Variants in UBR2 observed in about 807,000 individuals in gnomAD.
UBR2 encodes the protein ubiquitin protein ligase E3 component n-recognin 2, also known as E3 ubiquitin-protein ligase UBR2.
Under a neutral mutation model 247.9 loss-of-function variants are expected in UBR2, and 92 were observed. The ratio of observed to expected loss-of-function variants is 0.37; its 90% CI spans 0.31 to 0.44. The LOEUF is 0.44. Among genes scored for constraint, UBR2 ranks in the 20% least tolerant of loss-of-function variants. The pLI, the probability that UBR2 is intolerant of heterozygous loss-of-function variation, is 1.00. For missense variants in UBR2, 1,613 were observed against 2,112.6 expected (o/e 0.76, Z 4.64); for synonymous variants, 672 against 693.5 (o/e 0.97, Z 0.49).
At chr6:42,593,630 G>A (rs997941981) in intron 3 of UBR2, among the ~76,000 whole-genome samples, 1 of 152,112 alleles carries the variant, frequency 6.6e-6, no homozygotes, top group Non-Finnish European at 1.5e-5. Context: ...GAACATTGCA[G>A]GTGGTGAAAA....
chr6:42,657,898 G>T, intron 26 of UBR2, 126 bp from the exon 27 acceptor site: 1 of 628,476 alleles, frequency 1.6e-6, no homozygotes, highest in Non-Finnish European at 2.7e-6. Flanking sequence ...TCTCTATTTT[G>T]GTAGAGCCAT....
In UBR2 at chr6:42,564,122, G is replaced by C; in HGVS notation, c.-198G>C. 3.3e-6 allele frequency: 2 copies of C among 600,960 alleles called. No homozygotes were observed. The highest frequency in any genetic ancestry group is 4.4e-4 in the Middle Eastern group (1 of 2,290). 37.2% of individuals were successfully genotyped at this position (600,960 alleles called of 1,614,324 possible). A position where few individuals can be genotyped will look rare whatever the true frequency, so the allele number is the denominator to read the frequency against. On this transcript the variant is annotated 5_prime_UTR_variant, in exon 1 of 47. Coordinates refer to ENST00000372901, the MANE Select transcript of UBR2 (RefSeq NM_001363705.2). The stretch of plus-strand genomic sequence containing the variant: ...GACTTGACTCTTGGGCGCTAAGCTT[G>C]GGAGGGAGCGCAGGAGGCCGCTGTC...
intron 4 of UBR2, among the ~76,000 whole-genome samples, chr6:42,596,146 C>G (rs983137808): frequency 6.8e-6 from 1 of 147,632 alleles, no homozygotes; most frequent in African/African-American, 2.5e-5. Flanking sequence ...GAGTTTATAT[C>G]TTACAACTCA....
intron 2 of UBR2, among the ~76,000 whole-genome samples, chr6:42,583,822 C>CCT (rs545204921): frequency 2.2e-4 from 34 of 151,732 alleles, no homozygotes; most frequent in African/African-American, 8.0e-4. Flanking sequence ...CCGCGCCCGG[C>CCT]CTCTCTCTCT....
intron 7 of UBR2, among the ~76,000 whole-genome samples, chr6:42,611,604 G>T (rs542417124): frequency 4.6e-5 from 7 of 151,560 alleles, no homozygotes; most frequent in Middle Eastern, 3.2e-3. Flanking sequence ...TCAAATATAG[G>T]ACTAAAGATT....
intron 42 of UBR2, among the ~76,000 whole-genome samples, chr6:42,682,848 A>T (rs921606739): frequency 6.6e-6 from 1 of 152,216 alleles, no homozygotes; most frequent in African/African-American, 2.4e-5. Flanking sequence ...CACAAATTGT[A>T]TATATTTAAG....
chr6:42,688,117 A>T lies in UBR2; in HGVS notation c.4854-99A>T. ...GTAGGATATACACTTCTTTGGCTTT[A>T]CTTGATATTGCAGAATTCTTTTCTG... On this transcript the variant is annotated intron_variant, in intron 44 of 46. Coordinates refer to ENST00000372901, the MANE Select transcript of UBR2 (RefSeq NM_001363705.2). The T allele has an allele frequency of 2.8e-6, 4 of 1,407,156 alleles. No individual in the cohort carries two copies. In the South Asian group the frequency reaches 3.5e-5, roughly 12 times the overall value. 87.2% of individuals were successfully genotyped at this position (1,407,156 alleles called of 1,614,324 possible).
intron 11 of UBR2, among the ~76,000 whole-genome samples, chr6:42,632,069 A>AAATATATATATATATATAT (rs56721828): frequency 7.3e-4 from 83 of 114,050 alleles, no homozygotes; most frequent in African/African-American, 2.6e-3. Context: ...AAAAAAAAAA[A>AAATATATATATATATATAT]ATATATATAT....
intron 4 of UBR2, among the ~76,000 whole-genome samples, chr6:42,602,988 T>C (rs1793483322): frequency 6.6e-6 from 1 of 152,164 alleles, no homozygotes; most frequent in South Asian, 2.1e-4. Context: ...AGTAATACTT[T>C]TTTACATTAC....
chr6:42,639,668 T>C (rs1582616107), intron 15 of UBR2, among the ~76,000 whole-genome samples: 1 of 152,186 alleles, frequency 6.6e-6, no homozygotes, highest in East Asian at 1.9e-4. Context: ...TTCCGATCAG[T>C]GGCCAGAAGG....
intron 4 of UBR2, among the ~76,000 whole-genome samples, chr6:42,598,076 A>G (rs998348774): frequency 2.0e-5 from 3 of 152,224 alleles, no homozygotes; most frequent in Admixed American, 6.5e-5. Context: ...TAGAAATGCT[A>G]TGCAGGAGTT....
chr6:42,661,122 T>C (rs374697584), intron 30 of UBR2, among the ~76,000 whole-genome samples: 1 of 150,878 alleles, frequency 6.6e-6, no homozygotes, highest in African/African-American at 2.4e-5. Context: ...TGAAACCCCA[T>C]CTCTACTAAA....
At chr6:42,617,371 T>G (rs1217718594) in intron 10 of UBR2, 38 bp from the exon 11 acceptor site, 1 of 1,613,916 alleles carries the variant, frequency 6.2e-7, no homozygotes, top group Non-Finnish European at 8.5e-7. Context: ...TTGTAACTGA[T>G]AGCTGGCACT....
rs921628412 is a variant in UBR2 at position 42,674,772 on chromosome 6, A to G, written c.4251+579A>G. The stretch of plus-strand genomic sequence containing the variant: ...CAAGACCCCATCCAAAAAAAAAAAA[A>G]CAGCAACAGAAGCACTGCTGCTGGC... On this transcript the variant is annotated intron_variant, in intron 38 of 46. Transcript: ENST00000372901. Among the ~76,000 whole-genome samples, 7 of 151,926 alleles carry G rather than the reference A, an allele frequency of 4.6e-5. No individual in the cohort carries two copies. In the East Asian group the frequency reaches 1.4e-3, roughly 29 times the overall value.
intron 7 of UBR2, among the ~76,000 whole-genome samples, chr6:42,611,377 C>A (rs1475411191): frequency 6.7e-6 from 1 of 150,134 alleles, no homozygotes; most frequent in Admixed American, 6.6e-5. Context: ...AGGAGAATTG[C>A]TTGAAACTGG....
intron 44 of UBR2, 32 bp from the exon 45 acceptor site, chr6:42,688,184 T>A: frequency 1.2e-6 from 2 of 1,614,098 alleles, no homozygotes; most frequent in Non-Finnish European, 1.7e-6. Context: ...ACTCTTTAGA[T>A]CAATGACTTG....
chr6:42,643,770 TAGG>T lies in UBR2; in HGVS notation c.2098-441_2098-439del, dbSNP rs944928893. On this transcript the variant is annotated intron_variant, in intron 18 of 46. Coordinates refer to ENST00000372901, the MANE Select transcript of UBR2 (RefSeq NM_001363705.2). ...TAATGCTTGCCAGAAAAAAATAGGT[TAGG>T]AGATCTTGATAATAGTTTAATATGA... 5.1e-4 allele frequency among the ~76,000 whole-genome samples: 77 copies of T among 152,130 alleles called. 2 individuals are homozygous for T. In the East Asian group the frequency reaches 8.3e-3, roughly 16 times the overall value.
chr6:42,690,243 T>G (rs555432586), intron 46 of UBR2, among the ~76,000 whole-genome samples: 13 of 152,232 alleles, frequency 8.5e-5, no homozygotes, highest in African/African-American at 2.9e-4. Context: ...GCCATAGATA[T>G]GCCTGTCCAG....
chr6:42,566,465 A>C (rs1414251472), intron 1 of UBR2, among the ~76,000 whole-genome samples: 1 of 152,086 alleles, frequency 6.6e-6, no homozygotes, highest in Non-Finnish European at 1.5e-5. Flanking sequence ...GCTTACTGCA[A>C]CCTCCGCCTC....
Sources: gnomAD v4.1 joint callset for allele counts (sites outside exome capture counted in the v4.1 genomes callset) on GRCh38, gnomAD v4.1.1 for gene constraint, MANE v1.5 for transcripts, NCBI Gene and HGNC (gene_info 2026-07-23, HGNC 2026-07-21) for gene names.